FOXO1: variants seen among roughly 807,000 people sequenced by gnomAD.
FOXO1 encodes forkhead box protein O1.
A neutral mutation model predicts 44.1 loss-of-function variants in FOXO1; 6 were observed. The observed-to-expected ratio is 0.14, with a 90% CI of 0.07 to 0.27. The LOEUF is 0.27. Ranked by LOEUF, FOXO1 falls within the 10% of genes least tolerant of loss-of-function variation. The probability of loss-of-function intolerance (pLI) is 1.00; values close to 1 mark genes in which losing one functional copy is unlikely to be tolerated. For synonymous variants in FOXO1, 380 were observed against 362.7 expected (o/e 1.05, Z -0.54); for missense variants, 737 against 888.8 (o/e 0.83, Z 2.17).
intron 1 of FOXO1, among the ~76,000 whole-genome samples, chr13:40,573,804 C>T (rs746735673): frequency 1.4e-4 from 22 of 152,172 alleles, no homozygotes; most frequent in Non-Finnish European, 2.6e-4. Context: ...ACTGGCTATG[C>T]GCAATACACA....
chr13:40,626,545 A>C (rs1876791260), intron 1 of FOXO1, among the ~76,000 whole-genome samples: 1 of 152,236 alleles, frequency 6.6e-6, no homozygotes, highest in Non-Finnish European at 1.5e-5. Flanking sequence ...TCCTATATAG[A>C]AGATTCAGAG....
chr13:40,631,842 G>A (rs1451066783), intron 1 of FOXO1, among the ~76,000 whole-genome samples: 1 of 152,180 alleles, frequency 6.6e-6, no homozygotes, highest in African/African-American at 2.4e-5. Flanking sequence ...GATGGATGGT[G>A]ATTACAATGG....
intron 1 of FOXO1, among the ~76,000 whole-genome samples, chr13:40,660,605 C>T (rs535284717): frequency 6.6e-6 from 1 of 152,048 alleles, no homozygotes; most frequent in Non-Finnish European, 1.5e-5. Context: ...TCTTCCCCCT[C>T]ATCCCATTTC....
chr13:40,652,289 CTTT>C (rs777152612), intron 1 of FOXO1, among the ~76,000 whole-genome samples: 11 of 133,498 alleles, frequency 8.2e-5, no homozygotes, highest in Non-Finnish European at 8.1e-5. Flanking sequence ...ACTGGTGATT[CTTT>C]TTTTTTTTTT....
chr13:40,567,119 A>T (rs1360493678), intron 1 of FOXO1, among the ~76,000 whole-genome samples: 3 of 152,016 alleles, frequency 2.0e-5, no homozygotes, highest in Non-Finnish European at 4.4e-5. Flanking sequence ...CCCTCAGCCT[A>T]TATGAAGACC....
In FOXO1 at chr13:40,575,270, A is replaced by C. The variant is rs9577071; in HGVS notation, c.631-14410T>G. ...GCAGGAGGATAGCTTGAGCCCAGGA[A>C]GTTGAGCCTGGAATGAGCCAAGTTC... is the stretch of plus-strand genomic sequence containing the variant. On this transcript the variant is annotated intron_variant, in intron 1 of 2. Coordinates refer to ENST00000379561, the MANE Select transcript of FOXO1 (RefSeq NM_002015.4). Among the ~76,000 whole-genome samples, 163 of 152,262 alleles carry C rather than the reference A, an allele frequency of 1.1e-3. 4 individuals are homozygous for C. The East Asian group carries it at 0.019, about 18-fold the overall frequency.
intron 1 of FOXO1, among the ~76,000 whole-genome samples, chr13:40,617,550 C>T (rs1270532664): frequency 1.3e-5 from 2 of 152,008 alleles, no homozygotes; most frequent in Non-Finnish European, 2.9e-5. Flanking sequence ...ACGTCCCCAG[C>T]ATCTAGGAGC....
At chr13:40,648,666 A>C (rs1465723828) in intron 1 of FOXO1, among the ~76,000 whole-genome samples, 5 of 152,184 alleles carry the variant, frequency 3.3e-5, no homozygotes, top group African/African-American at 1.2e-4. Context: ...AAACAAAACA[A>C]GGGAATTCCA....
At chr13:40,611,564 C>A (rs931848313) in intron 1 of FOXO1, among the ~76,000 whole-genome samples, 4 of 152,196 alleles carry the variant, frequency 2.6e-5, no homozygotes, top group African/African-American at 9.6e-5. Context: ...GGGAACCCTG[C>A]TAGAGGGGTT....
intron 1 of FOXO1, among the ~76,000 whole-genome samples, chr13:40,654,322 T>TAAAAAAAAAAAA (rs11344939): frequency 1.5e-4 from 7 of 48,194 alleles, no homozygotes; most frequent in East Asian, 4.5e-4. Flanking sequence ...CTAAAAATAC[T>TAAAAAAAAAAAA]AAAAAAAAAA....
chr13:40,567,328 GT>G (rs1299795846), intron 1 of FOXO1, among the ~76,000 whole-genome samples: 1 of 151,884 alleles, frequency 6.6e-6, no homozygotes, highest in Non-Finnish European at 1.5e-5. Context: ...TTATTTCATA[GT>G]TTATTATATA....
intron 1 of FOXO1, among the ~76,000 whole-genome samples, chr13:40,626,770 C>T (rs1301223173): frequency 1.3e-5 from 2 of 152,148 alleles, no homozygotes; most frequent in African/African-American, 4.8e-5. Flanking sequence ...CAGACACTGC[C>T]CCGATGATAC....
At chr13:40,575,868 A>C (rs1454280011) in intron 1 of FOXO1, among the ~76,000 whole-genome samples, 1 of 152,222 alleles carries the variant, frequency 6.6e-6, no homozygotes, top group Middle Eastern at 3.2e-3. Context: ...ACGTGAAGCA[A>C]AGGACGACTT....
chr13:40,610,989 A>G (rs1164314398), intron 1 of FOXO1: 1 of 452,964 alleles, frequency 2.2e-6, no homozygotes, highest in East Asian at 7.0e-5. Flanking sequence ...ATACACATAC[A>G]TCTACATAAA....
chr13:40,584,561 T>C (rs1376047943), intron 1 of FOXO1, among the ~76,000 whole-genome samples: 1 of 142,194 alleles, frequency 7.0e-6, no homozygotes, highest in Non-Finnish European at 1.5e-5. Context: ...GGTAGGAGGA[T>C]CACCTGAGCC....
At chr13:40,605,704 G>A (rs968545651) in intron 1 of FOXO1, among the ~76,000 whole-genome samples, 2 of 152,044 alleles carry the variant, frequency 1.3e-5, no homozygotes, top group Non-Finnish European at 2.9e-5. Flanking sequence ...ACCTTTTCTA[G>A]CCCCTAAACC....
intron 1 of FOXO1, among the ~76,000 whole-genome samples, chr13:40,639,956 T>A (rs1370159163): frequency 6.6e-6 from 1 of 152,214 alleles, no homozygotes; most frequent in Non-Finnish European, 1.5e-5. Flanking sequence ...GCTATCCTCA[T>A]TATACATGTG....
intron 1 of FOXO1, among the ~76,000 whole-genome samples, chr13:40,581,913 C>A (rs1478235072): frequency 6.6e-6 from 1 of 152,124 alleles, no homozygotes; most frequent in Non-Finnish European, 1.5e-5. Flanking sequence ...AGCCAGGGTA[C>A]GGGCTTCTGG....
chr13:40,613,242 T>G (rs117466734), intron 1 of FOXO1, among the ~76,000 whole-genome samples: 3,263 of 152,246 alleles, frequency 0.021, 56 homozygotes, highest in Non-Finnish European at 0.036. Flanking sequence ...AGGGTCTCTG[T>G]AAGAACAGCT....
Sources: allele counts gnomAD v4.1 joint callset (sites outside exome capture counted in the v4.1 genomes callset), GRCh38; gene constraint gnomAD v4.1.1; transcripts MANE v1.5; gene names NCBI Gene and HGNC (gene_info 2026-07-23, HGNC 2026-07-21).